MTUS2: variants seen among roughly 807,000 people sequenced by gnomAD.
MTUS2 encodes microtubule-associated tumor suppressor candidate 2.
In MTUS2, 40 loss-of-function variants were observed where a neutral mutation model predicts 114.1. That is an observed-to-expected ratio of 0.35 (90% CI 0.27 to 0.46). The LOEUF is 0.46. MTUS2 is among the 20% of genes least tolerant of loss of function. The pLI is 1.00. For synonymous variants in MTUS2, 688 were observed against 672.0 expected, an observed-to-expected ratio of 1.02 and a Z score of -0.37; for missense variants, 1,679 against 1,705.4, an observed-to-expected ratio of 0.98 and a Z score of 0.27.
At chr13:29,005,607 G>A (rs1566286043) in intron 2 of MTUS2, among the ~76,000 whole-genome samples, 1 of 152,194 alleles carries the variant, frequency 6.6e-6, no homozygotes, top group East Asian at 1.9e-4. Context: ...CTGTAAGCGA[G>A]GCACAGGCAG....
intron 2 of MTUS2, among the ~76,000 whole-genome samples, chr13:28,881,873 A>G (rs8000459): frequency 0.067 from 10,140 of 152,250 alleles, 1,098 homozygotes; most frequent in African/African-American, 0.23. Context: ...ATAAAGATCA[A>G]TGGAACAGAA....
intron 4 of MTUS2, among the ~76,000 whole-genome samples, chr13:29,053,666 G>C (rs1173511796): frequency 6.6e-6 from 1 of 152,142 alleles, no homozygotes; most frequent in Non-Finnish European, 1.5e-5. Flanking sequence ...GGATCATACA[G>C]TATGTACTGT....
chr13:28,827,893 A>G (rs1313590180), intron 1 of MTUS2, among the ~76,000 whole-genome samples: 1 of 152,204 alleles, frequency 6.6e-6, no homozygotes, highest in Non-Finnish European at 1.5e-5. Flanking sequence ...AGATCACAGG[A>G]CCGGGGTGAA....
chr13:29,449,901 G>A (rs893682281), intron 9 of MTUS2, among the ~76,000 whole-genome samples: 25 of 152,192 alleles, frequency 1.6e-4, no homozygotes, highest in Admixed American at 1.6e-3. Context: ...TAAGGCAGCT[G>A]TTCATTTCTC....
At chr13:29,426,088 C>T (rs1876503297) in intron 8 of MTUS2, among the ~76,000 whole-genome samples, 1 of 152,194 alleles carries the variant, frequency 6.6e-6, no homozygotes, top group South Asian at 2.1e-4. Context: ...CCTTCCCACC[C>T]CACCTGGCTC....
chr13:29,016,122 C>T (rs1395309995), intron 2 of MTUS2, among the ~76,000 whole-genome samples: 2 of 152,118 alleles, frequency 1.3e-5, no homozygotes, highest in Non-Finnish European at 2.9e-5. Flanking sequence ...TCAGGCTGGT[C>T]TCAAATTCCT....
At chr13:29,143,160 A>G (rs1892296202) in intron 5 of MTUS2, among the ~76,000 whole-genome samples, 1 of 152,258 alleles carries the variant, frequency 6.6e-6, no homozygotes, top group Admixed American at 6.5e-5. Context: ...CTGGATAAAC[A>G]GGGTCGGGAT....
At chr13:29,231,487 A>G (rs1230891406) in intron 5 of MTUS2, among the ~76,000 whole-genome samples, 3 of 152,192 alleles carry the variant, frequency 2.0e-5, no homozygotes, top group Admixed American at 6.5e-5. Flanking sequence ...TTTTCATGCA[A>G]CTTGTCCTGC....
At chr13:29,466,432 G>A (rs868376577) in intron 9 of MTUS2, among the ~76,000 whole-genome samples, 9 of 152,304 alleles carry the variant, frequency 5.9e-5, no homozygotes, top group Middle Eastern at 3.4e-3. Flanking sequence ...CTAGGAATCC[G>A]TTTGATGTAT....
At chr13:29,289,623 C>T (rs1014524022) in intron 6 of MTUS2, among the ~76,000 whole-genome samples, 12 of 152,074 alleles carry the variant, frequency 7.9e-5, no homozygotes, top group Non-Finnish European at 1.3e-4. Context: ...CCACTGCACC[C>T]GGGTAATTTT....
At chr13:28,906,720 AT>A (rs1880042758) in intron 2 of MTUS2, among the ~76,000 whole-genome samples, 1 of 151,506 alleles carries the variant, frequency 6.6e-6, no homozygotes, top group African/African-American at 2.4e-5. Flanking sequence ...GCTGAAAAAA[AT>A]GTATATTCTG....
chr13:28,925,836 G>T (rs1350609637), intron 2 of MTUS2, among the ~76,000 whole-genome samples: 1 of 152,226 alleles, frequency 6.6e-6, no homozygotes, highest in Admixed American at 6.5e-5. Context: ...ATAGCTGTTA[G>T]CGTTTCTTGT....
chr13:29,085,896 A>G (rs1889671683), intron 4 of MTUS2, among the ~76,000 whole-genome samples: 1 of 152,184 alleles, frequency 6.6e-6, no homozygotes, highest in Non-Finnish European at 1.5e-5. Context: ...TTACATTCCC[A>G]CCTGCAGAGT....
At chr13:29,376,903 A>G (rs994903163) in intron 8 of MTUS2, among the ~76,000 whole-genome samples, 1 of 152,326 alleles carries the variant, frequency 6.6e-6, no homozygotes, top group East Asian at 1.9e-4. Flanking sequence ...ATATAATGAT[A>G]TACGTAAGTT....
intron 6 of MTUS2, chr13:29,306,664 C>T (rs1899476561): frequency 4.4e-6 from 1 of 225,396 alleles, no homozygotes; most frequent in Non-Finnish European, 9.1e-6. Context: ...GAAAAACATT[C>T]CAGGCTCATG....
At position 28,883,115 on chromosome 13, in the gene MTUS2, C is replaced by T. The variant is rs117486369; in HGVS notation, c.-243+43265C>T. The stretch of plus-strand genomic sequence containing the variant: ...ACCACAGTGAAATATCACTGCACAC[C>T]TATCAGAATGGCTAGAATAAAAATA... On this transcript the variant is annotated intron_variant, in intron 2 of 15. Transcript: ENST00000612955. Among the ~76,000 whole-genome samples, 123 of 152,254 alleles carry T rather than the reference C, an allele frequency of 8.1e-4. 2 individuals carry two copies. In the East Asian group the frequency reaches 0.018, roughly 22 times the overall value.
intron 2 of MTUS2, among the ~76,000 whole-genome samples, chr13:28,925,439 A>G (rs1433639523): frequency 2.6e-5 from 4 of 152,226 alleles, no homozygotes; most frequent in Non-Finnish European, 4.4e-5. Flanking sequence ...CTAATACTTG[A>G]TTATCCTTTA....
chr13:29,495,948 ATATC>A (rs1882527186), intron 12 of MTUS2, among the ~76,000 whole-genome samples: 2 of 151,704 alleles, frequency 1.3e-5, no homozygotes, highest in Admixed American at 1.3e-4. Context: ...CTATATATCT[ATATC>A]TATATCTATA....
At chr13:28,996,691 T>A (rs1885125804) in intron 2 of MTUS2, among the ~76,000 whole-genome samples, 1 of 152,150 alleles carries the variant, frequency 6.6e-6, no homozygotes. Flanking sequence ...TGCATAGAGG[T>A]GTTTATAGTA....
Sources: gnomAD v4.1 joint callset for allele counts (sites outside exome capture counted in the v4.1 genomes callset) on GRCh38, gnomAD v4.1.1 for gene constraint, MANE v1.5 for transcripts, NCBI Gene and HGNC (gene_info 2026-07-23, HGNC 2026-07-21) for gene names.